Variants in HMBOX1 observed in about 807,000 individuals in gnomAD.
The protein encoded by HMBOX1 is homeobox containing 1.
In HMBOX1, 14 loss-of-function variants were observed where a neutral mutation model predicts 54.5. The ratio of observed to expected loss-of-function variants is 0.26; its 90% CI spans 0.17 to 0.40. The LOEUF is 0.40. Ranked by LOEUF, HMBOX1 falls within the 10% of genes least tolerant of loss-of-function variation. HMBOX1 has a pLI of 1.00. For missense variants in HMBOX1, 332 were observed against 514.4 expected, an observed-to-expected ratio of 0.65 and a Z score of 3.43; for synonymous variants, 160 against 181.0, an observed-to-expected ratio of 0.88 and a Z score of 0.93.
chr8:28,899,245 A>C (rs1299263190), intron 1 of HMBOX1, among the ~76,000 whole-genome samples: 1 of 152,244 alleles, frequency 6.6e-6, no homozygotes, highest in Non-Finnish European at 1.5e-5. Context: ...CCTACTAAGC[A>C]TGAAAGTATC....
chr8:29,018,456 T>C (rs1262784815), intron 5 of HMBOX1, among the ~76,000 whole-genome samples: 3 of 152,182 alleles, frequency 2.0e-5, no homozygotes, highest in Admixed American at 6.6e-5. Flanking sequence ...TATTTCACTC[T>C]TTAAAAAAGA....
chr8:28,904,293 G>C (rs1298684189), intron 1 of HMBOX1, among the ~76,000 whole-genome samples: 1 of 149,886 alleles, frequency 6.7e-6, no homozygotes, highest in Non-Finnish European at 1.5e-5. Context: ...CTGTCTTCAG[G>C]CTGGAGTGCA....
Position 29,051,381 on chromosome 8 carries a change from C to A in HMBOX1, c.*226C>A. 1.6e-6 allele frequency: 1 copy of A among 636,130 alleles called. No individual in the cohort carries two copies. Among genetic ancestry groups the A allele is most frequent in the Non-Finnish European group, 2.8e-6 (1 of 352,790 alleles). 39.4% of individuals were successfully genotyped at this position (636,130 alleles called of 1,614,324 possible). Reference sequence around the variant, plus strand: ...ATAACCAACCAACCAACCAAACTTCCCTCTCCCAGCCCCCGAGGCTAGAAA... The same window carrying A: ...ATAACCAACCAACCAACCAAACTTCACTCTCCCAGCCCCCGAGGCTAGAAA... On this transcript the variant is annotated 3_prime_UTR_variant, in exon 10 of 10. Transcript: ENST00000287701.
chr8:29,011,818 G>A (rs893125313), intron 5 of HMBOX1, among the ~76,000 whole-genome samples: 8 of 152,158 alleles, frequency 5.3e-5, no homozygotes, highest in Non-Finnish European at 1.2e-4. Flanking sequence ...GGTAGAACTA[G>A]GGAATTGAAA....
At chr8:28,910,020 C>A (rs1815106806) in intron 1 of HMBOX1, among the ~76,000 whole-genome samples, 1 of 152,100 alleles carries the variant, frequency 6.6e-6, no homozygotes, top group African/African-American at 2.4e-5. Flanking sequence ...TCCACAAGAA[C>A]CCTTATGTTC....
At chr8:28,983,781 C>T (rs1289050819) in intron 4 of HMBOX1, among the ~76,000 whole-genome samples, 2 of 152,194 alleles carry the variant, frequency 1.3e-5, no homozygotes, top group African/African-American at 2.4e-5. Context: ...ATTTGCTCAA[C>T]AAATGCTGTG....
intron 1 of HMBOX1, among the ~76,000 whole-genome samples, chr8:28,898,767 T>G (rs1010933394): frequency 1.3e-5 from 2 of 152,222 alleles, no homozygotes; most frequent in African/African-American, 4.8e-5. Flanking sequence ...GTTTACCTGT[T>G]GATGGTGACA....
At position 29,050,996 on chromosome 8, in the gene HMBOX1, TTTC is replaced by T. The variant is rs769056185; in HGVS notation, c.1126-19_1126-17del. The stretch of plus-strand genomic sequence containing the variant: ...GAATTCTTCCAATCCACTAATAACA[TTTC>T]TTATTTCTGCACATCTAGGATGACA... On this transcript the variant is annotated intron_variant, in intron 9 of 9. Coordinates refer to ENST00000287701, the MANE Select transcript of HMBOX1 (RefSeq NM_001135726.3). 1 of 1,605,430 alleles carries T rather than the reference TTTC, an allele frequency of 6.2e-7. No homozygotes were observed. Among genetic ancestry groups the T allele is most frequent in the Admixed American group, 1.7e-5 (1 of 57,654 alleles).
At chr8:28,994,503 C>T (rs1303822362) in intron 4 of HMBOX1, among the ~76,000 whole-genome samples, 3 of 151,962 alleles carry the variant, frequency 2.0e-5, no homozygotes, top group Admixed American at 6.6e-5. Flanking sequence ...CTTTTTAAAG[C>T]TGGAGAAAAG....
In HMBOX1 at chr8:29,009,350, T is replaced by C. The variant is rs1013535281; in HGVS notation, c.697+168T>C. On this transcript the variant is annotated intron_variant, in intron 5 of 9. Coordinates refer to ENST00000287701, the MANE Select transcript of HMBOX1 (RefSeq NM_001135726.3). ...AGTAAAAGCTAAACCCTGACTGTAA[T>C]AAATTTTATTTTATTGTCTAATATT... 32 of 696,204 alleles carry C rather than the reference T, an allele frequency of 4.6e-5. 1 individual carries two copies. Among genetic ancestry groups the C allele is most frequent in the Admixed American group, 1.3e-4 (2 of 15,890 alleles). 43.1% of individuals were successfully genotyped at this position (696,204 alleles called of 1,614,324 possible).
At chr8:29,032,319 C>T (rs1429053975) in intron 6 of HMBOX1, among the ~76,000 whole-genome samples, 2 of 151,752 alleles carry the variant, frequency 1.3e-5, no homozygotes, top group African/African-American at 4.8e-5. Flanking sequence ...TGTAAAACAT[C>T]CTGGGAATTA....
intron 1 of HMBOX1, among the ~76,000 whole-genome samples, chr8:28,960,774 T>TG (rs1825404024): frequency 6.9e-4 from 37 of 53,406 alleles, no homozygotes; most frequent in Admixed American, 9.3e-4. Context: ...TCTTTTTTTT[T>TG]TTTTTTTTTT....
intron 6 of HMBOX1, among the ~76,000 whole-genome samples, chr8:29,037,834 T>C (rs1231919237): frequency 1.3e-5 from 2 of 152,172 alleles, no homozygotes; most frequent in East Asian, 1.9e-4. Context: ...GCTGGTTTTT[T>C]TCCTTCTTCT....
At chr8:28,959,891 G>A (rs1196033204) in intron 1 of HMBOX1, among the ~76,000 whole-genome samples, 2 of 151,832 alleles carry the variant, frequency 1.3e-5, no homozygotes, top group Admixed American at 1.3e-4. Context: ...CTGGGAAATC[G>A]TTTTTCTCTT....
intron 4 of HMBOX1, among the ~76,000 whole-genome samples, chr8:28,987,324 A>C (rs145688674): frequency 7.9e-5 from 12 of 152,304 alleles, no homozygotes; most frequent in African/African-American, 2.9e-4. Context: ...GTTGTGTGAA[A>C]TATTTCTTGC....
intron 1 of HMBOX1, among the ~76,000 whole-genome samples, chr8:28,916,680 C>A (rs1385046093): frequency 6.6e-6 from 1 of 152,064 alleles, no homozygotes; most frequent in African/African-American, 2.4e-5. Flanking sequence ...ATCTGTCTGT[C>A]CCTTTTCTAC....
intron 4 of HMBOX1, among the ~76,000 whole-genome samples, chr8:28,988,300 A>C (rs979956219): frequency 1.2e-4 from 19 of 152,240 alleles, no homozygotes; most frequent in African/African-American, 4.3e-4. Flanking sequence ...CATTGAATGG[A>C]TATAACAAAA....
intron 1 of HMBOX1, among the ~76,000 whole-genome samples, chr8:28,897,230 G>C (rs1049825177): frequency 9.3e-5 from 14 of 151,316 alleles, no homozygotes; most frequent in African/African-American, 3.4e-4. Context: ...TGATCCACCC[G>C]CCTTGGCCTC....
At chr8:28,965,652 C>A (rs908011173) in intron 2 of HMBOX1, among the ~76,000 whole-genome samples, 8 of 152,176 alleles carry the variant, frequency 5.3e-5, no homozygotes, top group African/African-American at 1.9e-4. Flanking sequence ...CCCCTCAGTG[C>A]TAGAAAATGC....
Sources: gnomAD v4.1 joint callset for allele counts (sites outside exome capture counted in the v4.1 genomes callset) on GRCh38, gnomAD v4.1.1 for gene constraint, MANE v1.5 for transcripts, NCBI Gene and HGNC (gene_info 2026-07-23, HGNC 2026-07-21) for gene names.